LMX1B: variants seen among roughly 807,000 people sequenced by gnomAD.
LMX1B encodes LIM homeobox transcription factor 1 beta, also known as LIM homeobox transcription factor 1-beta.
LMX1B carries 12 observed loss-of-function variants against 51.4 expected under a neutral mutation model. That is an observed-to-expected ratio of 0.23 (90% CI 0.15 to 0.38). LMX1B has a LOEUF of 0.38. Among genes scored for constraint, LMX1B ranks in the 10% least tolerant of loss-of-function variants. LMX1B has a pLI of 1.00. For synonymous variants in LMX1B, 237 were observed against 235.4 expected, an observed-to-expected ratio of 1.01 and a Z score of -0.06; for missense variants, 445 against 571.1, an observed-to-expected ratio of 0.78 and a Z score of 2.25.
chr9:126,628,542 T>A (rs1297675600), intron 2 of LMX1B, among the ~76,000 whole-genome samples: 1 of 152,222 alleles, frequency 6.6e-6, no homozygotes, highest in Non-Finnish European at 1.5e-5. Context: ...CTTTGGGTTG[T>A]CTTAGAGCGA....
At position 126,696,709 on chromosome 9, in the gene LMX1B, A is replaced by C. The variant is rs1012332860; in HGVS notation, c.*258A>C. On this transcript the variant is annotated 3_prime_UTR_variant, in exon 8 of 8. Coordinates refer to ENST00000373474, the MANE Select transcript of LMX1B (RefSeq NM_001174147.2). Reference sequence around the variant, plus strand: ...AGGGACCCAGAGCTCTCGGACGGCCACTCGCCTCCCAGCCCCACCTCGGCC... The same window carrying C: ...AGGGACCCAGAGCTCTCGGACGGCCCCTCGCCTCCCAGCCCCACCTCGGCC... 2 of 537,888 alleles carry C rather than the reference A, an allele frequency of 3.7e-6. No individual in the cohort carries two copies. The highest frequency in any genetic ancestry group is 2.4e-5 in the South Asian group (1 of 41,672). The allele number at this position is 537,888 out of a possible 1,614,324, so 33.3% of individuals were successfully genotyped here.
chr9:126,663,282 G>T (rs1836279259), intron 2 of LMX1B, among the ~76,000 whole-genome samples: 1 of 151,940 alleles, frequency 6.6e-6, no homozygotes, highest in South Asian at 2.1e-4. Flanking sequence ...CAAAGAATTA[G>T]CCAGGCATGA....
At chr9:126,696,106 A>G (rs2030321886) in intron 7 of LMX1B, 103 bp downstream of exon 7, 1 of 1,240,762 alleles carries the variant, frequency 8.1e-7, no homozygotes, top group South Asian at 1.4e-5. Context: ...CCTAGGGCTC[A>G]GGCAGCATGG....
At chr9:126,690,781 G>A in intron 2 of LMX1B, 55 bp from the exon 3 acceptor site, 1 of 1,484,922 alleles carries the variant, frequency 6.7e-7, no homozygotes, top group Non-Finnish European at 9.1e-7. Flanking sequence ...GGCAGGAGTG[G>A]CCTCTGGGAG....
intron 2 of LMX1B, among the ~76,000 whole-genome samples, chr9:126,662,639 G>A (rs1036849133): frequency 2.6e-5 from 4 of 152,232 alleles, no homozygotes; most frequent in Non-Finnish European, 5.9e-5. Context: ...GCCCAGAGAG[G>A]TATGGGTGGA....
In LMX1B at chr9:126,615,641, G is replaced by A; in HGVS notation, c.326+72G>A. The stretch of plus-strand genomic sequence containing the variant: ...CCCGGTCAGCCCCCTGCCGGGCCCG[G>A]CCCGCGCCCGCTCTGCCGCCGGCTC... On this transcript the variant is annotated intron_variant, in intron 2 of 7. Coordinates refer to ENST00000373474, the MANE Select transcript of LMX1B (RefSeq NM_001174147.2). This position sits in a 1 kb window ranked among gnomAD's most constrained non-coding sequence, Gnocchi z 6.0. 1 of 1,411,140 alleles carries A rather than the reference G, an allele frequency of 7.1e-7. No homozygotes were observed. The allele number at this position is 1,411,140 out of a possible 1,614,324, so 87.4% of individuals were successfully genotyped here.
chr9:126,679,988 C>T (rs1164130233), intron 2 of LMX1B, among the ~76,000 whole-genome samples: 1 of 152,258 alleles, frequency 6.6e-6, no homozygotes, highest in Admixed American at 6.5e-5. Flanking sequence ...GTGGAGCCCC[C>T]ACCCCTTACT....
At chr9:126,621,343 G>A (rs1835406666) in intron 2 of LMX1B, among the ~76,000 whole-genome samples, 1 of 152,216 alleles carries the variant, frequency 6.6e-6, no homozygotes, top group African/African-American at 2.4e-5. Flanking sequence ...GACCCAGCCG[G>A]AAGTTCCTCT....
Position 126,615,357 on chromosome 9 carries a change from C to T in LMX1B, c.140-26C>T. 1 of 1,524,302 alleles carries T rather than the reference C, an allele frequency of 6.6e-7. No homozygotes were observed. The highest frequency in any genetic ancestry group is 8.8e-7 in the Non-Finnish European group (1 of 1,139,710). The allele number at this position is 1,524,302 out of a possible 1,614,324, so 94.4% of individuals were successfully genotyped here. ...GGGCTGGGCCGGGCGGCGCTGACGG[C>T]CGGGCTTTCGCCCTGTGCGCTACAG... is the stretch of plus-strand genomic sequence containing the variant. On this transcript the variant is annotated intron_variant, in intron 1 of 7. Coordinates refer to ENST00000373474, the MANE Select transcript of LMX1B (RefSeq NM_001174147.2). This position sits in a 1 kb window ranked among gnomAD's most constrained non-coding sequence, Gnocchi z 6.0.
chr9:126,620,864 G>A (rs1412735651), intron 2 of LMX1B, among the ~76,000 whole-genome samples: 2 of 152,164 alleles, frequency 1.3e-5, no homozygotes, highest in Non-Finnish European at 2.9e-5. Context: ...TGTGATTGAA[G>A]CCACAGAAAA....
intron 2 of LMX1B, among the ~76,000 whole-genome samples, chr9:126,631,664 T>G (rs1238299586): frequency 6.6e-6 from 1 of 152,194 alleles, no homozygotes; most frequent in Non-Finnish European, 1.5e-5. Flanking sequence ...TTGGATTTTG[T>G]GACCCCAGAA....
At chr9:126,635,718 G>A (rs1454105055) in intron 2 of LMX1B, among the ~76,000 whole-genome samples, 17 of 152,176 alleles carry the variant, frequency 1.1e-4, no homozygotes, top group Admixed American at 1.1e-3. Flanking sequence ...AAGAAACTGG[G>A]GCTCTGAGAG....
chr9:126,657,440 C>G (rs1470024359), intron 2 of LMX1B, among the ~76,000 whole-genome samples: 2 of 152,218 alleles, frequency 1.3e-5, no homozygotes, highest in African/African-American at 4.8e-5. Context: ...TGCTTATGTG[C>G]AAGTCTGTTC....
intron 2 of LMX1B, among the ~76,000 whole-genome samples, chr9:126,667,831 C>T (rs1373954413): frequency 6.6e-6 from 1 of 152,184 alleles, no homozygotes; most frequent in Admixed American, 6.5e-5. Context: ...TTGTCCAGCC[C>T]CTGGCACAGT....
intron 2 of LMX1B, among the ~76,000 whole-genome samples, chr9:126,682,108 T>A (rs866107210): frequency 5.2e-4 from 72 of 139,042 alleles, no homozygotes; most frequent in African/African-American, 1.7e-3. Flanking sequence ...TTTTTTTTTT[T>A]ATAGAGATGG....
At chr9:126,645,446 C>T (rs1835881340) in intron 2 of LMX1B, among the ~76,000 whole-genome samples, 1 of 152,240 alleles carries the variant, frequency 6.6e-6, no homozygotes, top group South Asian at 2.1e-4. Context: ...GCAGGGCCAT[C>T]TCTAACCCAC....
rs1169938534 is a variant in LMX1B, at chr9:126,673,029, A to G, written c.327-17807A>G. ...AGAGGCTCTTTTCGGCTTTTGCCCA[A>G]CCACATGCTGACCTATCTCTTACTG... On this transcript the variant is annotated intron_variant, in intron 2 of 7. Coordinates refer to ENST00000373474, the MANE Select transcript of LMX1B (RefSeq NM_001174147.2). The surrounding 1 kb of genome is among the most constrained non-coding windows in gnomAD (Gnocchi z 4.4). Among the ~76,000 whole-genome samples, 1 of 152,200 alleles carries G rather than the reference A, an allele frequency of 6.6e-6. No homozygotes were observed. The highest frequency in any genetic ancestry group is 1.9e-4 in the East Asian group (1 of 5,186).
At chr9:126,651,361 G>A (rs1836002808) in intron 2 of LMX1B, among the ~76,000 whole-genome samples, 1 of 151,904 alleles carries the variant, frequency 6.6e-6, no homozygotes, top group Admixed American at 6.6e-5. Context: ...CAGACCCCGA[G>A]GGCTGCCATC....
At chr9:126,678,335 A>C (rs2417031) in intron 2 of LMX1B, among the ~76,000 whole-genome samples, 7,752 of 138,938 alleles carry the variant, frequency 0.056, 190 homozygotes, top group South Asian at 0.077. Flanking sequence ...AAAACAAAAA[A>C]AAAAAACAAA....
Sources: gnomAD v4.1 joint callset for allele counts (sites outside exome capture counted in the v4.1 genomes callset) on GRCh38, gnomAD v4.1.1 for gene constraint, Gnocchi (gnomAD v3.1) non-coding constraint, MANE v1.5 for transcripts, NCBI Gene and HGNC (gene_info 2026-07-23, HGNC 2026-07-21) for gene names.